Variants in DPYD observed in about 807,000 individuals in gnomAD.
DPYD encodes dihydropyrimidine dehydrogenase, also known as dihydropyrimidine dehydrogenase [NADP(+)].
Under a neutral mutation model 116.2 loss-of-function variants are expected in DPYD, and 109 were observed. The observed-to-expected ratio is 0.94, with a 90% confidence interval of 0.80 to 1.10. The LOEUF (loss-of-function observed/expected upper bound fraction) is 1.10, where lower values mean the gene tolerates loss of function less well. Among genes scored for constraint, DPYD ranks in the 50% least tolerant of loss-of-function variants. The probability of loss-of-function intolerance (pLI) is 0.00; values close to 1 mark genes in which losing one functional copy is unlikely to be tolerated. For synonymous variants in DPYD, 440 were observed against 432.0 expected (o/e 1.02, Z -0.23); for missense variants, 1,302 against 1,254.5 (o/e 1.04, Z -0.57).
chr1:97,792,269 TTTTTA>T (rs1396728418), intron 3 of DPYD, among the ~76,000 whole-genome samples: 2 of 152,042 alleles, frequency 1.3e-5, no homozygotes, highest in South Asian at 2.1e-4. Context: ...AGCTTTTATT[TTTTTA>T]TTTTATTTTT....
chr1:97,195,916 G>A (rs1015830475), intron 19 of DPYD, among the ~76,000 whole-genome samples: 5 of 151,370 alleles, frequency 3.3e-5, no homozygotes, highest in African/African-American at 7.3e-5. Flanking sequence ...GCAATATACC[G>A]GATAACATTT....
intron 16 of DPYD, among the ~76,000 whole-genome samples, chr1:97,335,299 TACACAC>T (rs35371362): frequency 0.077 from 10,445 of 136,180 alleles, 690 homozygotes; most frequent in African/African-American, 0.19. Flanking sequence ...TGGAGTTAAG[TACACAC>T]ACACACACAC....
intron 12 of DPYD, among the ~76,000 whole-genome samples, chr1:97,539,049 C>T (rs1650225592): frequency 1.3e-5 from 2 of 152,062 alleles, no homozygotes; most frequent in Non-Finnish European, 2.9e-5. Flanking sequence ...TATATTTAGG[C>T]AAACATATAT....
At chr1:97,433,788 A>G (rs1485592966) in intron 14 of DPYD, among the ~76,000 whole-genome samples, 2 of 152,268 alleles carry the variant, frequency 1.3e-5, no homozygotes, top group Non-Finnish European at 2.9e-5. Context: ...GTTGAATAGT[A>G]TGTATGAAAA....
At chr1:97,798,609 C>T (rs370789462) in intron 3 of DPYD, among the ~76,000 whole-genome samples, 2 of 151,624 alleles carry the variant, frequency 1.3e-5, no homozygotes, top group African/African-American at 4.8e-5. Context: ...AGATATTTGT[C>T]CATGTACGTA....
intron 8 of DPYD, among the ~76,000 whole-genome samples, chr1:97,650,934 A>G (rs1658546148): frequency 6.6e-6 from 1 of 152,106 alleles, no homozygotes; most frequent in African/African-American, 2.4e-5. Flanking sequence ...TATTTGTCAT[A>G]TAACATGTCA....
intron 20 of DPYD, among the ~76,000 whole-genome samples, chr1:97,140,117 C>A (rs1654105965): frequency 2.0e-5 from 3 of 151,856 alleles, no homozygotes; most frequent in Non-Finnish European, 4.4e-5. Flanking sequence ...CCAGTCTTAG[C>A]AACCTGAACA....
intron 8 of DPYD, among the ~76,000 whole-genome samples, chr1:97,666,544 TA>T (rs1659572221): frequency 2.0e-5 from 3 of 152,164 alleles, no homozygotes; most frequent in Admixed American, 2.0e-4. Flanking sequence ...ATTGAAGATG[TA>T]CTTTAAAAGG....
intron 14 of DPYD, among the ~76,000 whole-genome samples, chr1:97,421,824 T>C (rs767615714): frequency 4.6e-5 from 7 of 152,140 alleles, no homozygotes; most frequent in Non-Finnish European, 1.0e-4. Flanking sequence ...AAAGACTCCA[T>C]GGCAAGAGCA....
intron 3 of DPYD, among the ~76,000 whole-genome samples, chr1:97,747,541 T>C (rs1384415866): frequency 1.3e-5 from 2 of 152,114 alleles, no homozygotes; most frequent in Non-Finnish European, 2.9e-5. Context: ...TGTCTTGTAG[T>C]AATGAGGAAA....
chr1:97,297,925 C>A (rs1269903065), intron 18 of DPYD, among the ~76,000 whole-genome samples: 1 of 152,106 alleles, frequency 6.6e-6, no homozygotes, highest in Non-Finnish European at 1.5e-5. Context: ...ATAATAAATT[C>A]TCTTTGCATA....
intron 19 of DPYD, among the ~76,000 whole-genome samples, chr1:97,202,193 A>G (rs945504740): frequency 6.6e-6 from 1 of 152,158 alleles, no homozygotes; most frequent in Non-Finnish European, 1.5e-5. Context: ...GAAATGGATA[A>G]GTAGTTCTGC....
intron 20 of DPYD, among the ~76,000 whole-genome samples, chr1:97,179,983 C>T (rs146026943): frequency 1.3e-3 from 202 of 152,264 alleles, no homozygotes; most frequent in African/African-American, 4.2e-3. Context: ...AAGTGTGAGA[C>T]TGCCAATTAT....
intron 18 of DPYD, among the ~76,000 whole-genome samples, chr1:97,276,266 C>A (rs1664920953): frequency 6.6e-6 from 1 of 151,972 alleles, no homozygotes; most frequent in African/African-American, 2.4e-5. Context: ...TGACTAAGTT[C>A]TCAAAAGCAA....
At chr1:97,145,828 G>A (rs1654583925) in intron 20 of DPYD, among the ~76,000 whole-genome samples, 1 of 146,790 alleles carries the variant, frequency 6.8e-6, no homozygotes. Context: ...CTGGCATGGT[G>A]TCCACTGCTA....
At chr1:97,176,285 A>T (rs1241929443) in intron 20 of DPYD, among the ~76,000 whole-genome samples, 3 of 152,182 alleles carry the variant, frequency 2.0e-5, no homozygotes, top group African/African-American at 7.2e-5. Context: ...AGGCCATGAG[A>T]AGCCTTGCTG....
At chr1:97,439,044 T>A (rs1675613985) in intron 14 of DPYD, among the ~76,000 whole-genome samples, 1 of 152,116 alleles carries the variant, frequency 6.6e-6, no homozygotes, top group African/African-American at 2.4e-5. Context: ...GTTAAGGAAT[T>A]TTCCTACTAT....
chr1:97,530,227 T>C (rs1012313737), intron 12 of DPYD, among the ~76,000 whole-genome samples: 11 of 135,402 alleles, frequency 8.1e-5, no homozygotes, highest in Admixed American at 1.5e-4. Flanking sequence ...TTTTTTTTTT[T>C]TTTTTTTTGA....
intron 5 of DPYD, among the ~76,000 whole-genome samples, chr1:97,706,849 T>C (rs1295203561): frequency 1.3e-5 from 2 of 152,032 alleles, no homozygotes; most frequent in Non-Finnish European, 2.9e-5. Flanking sequence ...TTAACGTAAG[T>C]TTTCAACTCT....
Sources: allele counts gnomAD v4.1 joint callset (sites outside exome capture counted in the v4.1 genomes callset), GRCh38; gene constraint gnomAD v4.1.1; transcripts MANE v1.5; gene names NCBI Gene and HGNC (gene_info 2026-07-23, HGNC 2026-07-21).